GRK3: variants seen among roughly 807,000 people sequenced by gnomAD.
The protein encoded by GRK3 is G protein-coupled receptor kinase 3.
A neutral mutation model predicts 95.7 loss-of-function variants in GRK3; 54 were observed. The observed-to-expected ratio is 0.56, with a 90% CI of 0.45 to 0.71. The LOEUF is 0.71. Among genes scored for constraint, GRK3 ranks in the 30% least tolerant of loss-of-function variants. The pLI, the probability that GRK3 is intolerant of heterozygous loss-of-function variation, is 0.00. For missense variants in GRK3, 649 were observed against 851.2 expected, an observed-to-expected ratio of 0.76 and a Z score of 2.96; for synonymous variants, 281 against 290.8, an observed-to-expected ratio of 0.97 and a Z score of 0.34.
intron 2 of GRK3, among the ~76,000 whole-genome samples, chr22:25,642,434 A>AAAAT (rs1291770699): frequency 2.0e-5 from 3 of 152,308 alleles, no homozygotes; most frequent in South Asian, 2.1e-4. Context: ...CTCCATCTCA[A>AAAAT]AAATAAATAA....
chr22:25,636,803 C>T (rs112075052), intron 2 of GRK3, among the ~76,000 whole-genome samples: 7,509 of 152,086 alleles, frequency 0.049, 189 homozygotes, highest in Middle Eastern at 0.058. Flanking sequence ...TATAGAATTA[C>T]GCAGCATATA....
At chr22:25,632,359 A>G (rs890790327) in intron 2 of GRK3, among the ~76,000 whole-genome samples, 1 of 152,226 alleles carries the variant, frequency 6.6e-6, no homozygotes, top group Non-Finnish European at 1.5e-5. Context: ...AGTGTGTTCA[A>G]GTCTTTTGCT....
Position 25,565,214 on chromosome 22 carries a change from C to T in GRK3, c.113+61C>T. On this transcript the variant is annotated intron_variant, in intron 1 of 20. Coordinates refer to ENST00000324198, the MANE Select transcript of GRK3 (RefSeq NM_005160.4). ...GCCGCCCCCTGCGGCCGCCAGCTACCCCCTGCTTCCTGGAGGGTCGGGCGC... is the reference window on the plus strand; with the variant it reads ...GCCGCCCCCTGCGGCCGCCAGCTACTCCCTGCTTCCTGGAGGGTCGGGCGC... The T allele has an allele frequency of 5.7e-6, 5 of 880,554 alleles. No homozygotes were observed. In the South Asian group the frequency reaches 7.4e-5, roughly 13 times the overall value. 54.5% of individuals were successfully genotyped at this position (880,554 alleles called of 1,614,324 possible). A position where few individuals can be genotyped will look rare whatever the true frequency, so the allele number is the denominator to read the frequency against.
intron 15 of GRK3, among the ~76,000 whole-genome samples, chr22:25,707,259 A>G (rs760634361): frequency 2.0e-5 from 3 of 152,206 alleles, no homozygotes; most frequent in Non-Finnish European, 2.9e-5. Flanking sequence ...TTGCTTGGAT[A>G]TATGCAAGTA....
rs575447932 is a variant in GRK3, at chr22:25,664,437, GT to G, written c.441+737del. On this transcript the variant is annotated intron_variant, in intron 5 of 20. Coordinates refer to ENST00000324198, the MANE Select transcript of GRK3 (RefSeq NM_005160.4). ...AAGAATGTCATTGAGTAATATAATG[GT>G]TTTAATAAGTGAAAATAATCAACTC... Among the ~76,000 whole-genome samples, 40 of 151,798 alleles carry G rather than the reference GT, an allele frequency of 2.6e-4. No individual in the cohort carries two copies. In the South Asian group the frequency reaches 7.3e-3, roughly 28 times the overall value.
intron 1 of GRK3, chr22:25,580,346 G>A (rs1479268747): frequency 6.6e-6 from 1 of 152,150 alleles, no homozygotes; most frequent in Non-Finnish European, 1.5e-5. Flanking sequence ...AAACCCACCA[G>A]CTATACAAAA....
At chr22:25,627,251 A>T (rs945711184) in intron 2 of GRK3, among the ~76,000 whole-genome samples, 1 of 152,204 alleles carries the variant, frequency 6.6e-6, no homozygotes, top group African/African-American at 2.4e-5. Context: ...ATTCCCCAGC[A>T]GGCTTTTTGG....
chr22:25,708,611 G>A (rs905389142), intron 15 of GRK3, among the ~76,000 whole-genome samples: 6 of 152,062 alleles, frequency 3.9e-5, no homozygotes, highest in African/African-American at 4.8e-5. Context: ...TCAGTGGCAT[G>A]TGCTGGGAGT....
chr22:25,686,691 C>A (rs988978435), intron 10 of GRK3, among the ~76,000 whole-genome samples: 4 of 152,108 alleles, frequency 2.6e-5, no homozygotes, highest in Admixed American at 2.6e-4. Flanking sequence ...CTTTCTCCAG[C>A]GTTTTATTAT....
chr22:25,672,212 G>T, intron 6 of GRK3, 84 bp from the exon 7 acceptor site: 1 of 687,206 alleles, frequency 1.5e-6, no homozygotes. Context: ...AAGTAATGCC[G>T]TTCTAGTCTG....
intron 2 of GRK3, among the ~76,000 whole-genome samples, chr22:25,614,562 C>T (rs1569164630): frequency 6.6e-6 from 1 of 152,196 alleles, no homozygotes; most frequent in Non-Finnish European, 1.5e-5. Context: ...GTGTACTAGA[C>T]ACTTCAGTGA....
At chr22:25,608,387 T>C (rs563758392) in intron 2 of GRK3, among the ~76,000 whole-genome samples, 2,373 of 151,400 alleles carry the variant, frequency 0.016, 29 homozygotes, top group Admixed American at 0.023. Context: ...TGGTGCAGCC[T>C]CATGACCCTT....
intron 2 of GRK3, among the ~76,000 whole-genome samples, chr22:25,617,703 C>G (rs1412363526): frequency 2.0e-5 from 3 of 152,208 alleles, no homozygotes; most frequent in African/African-American, 7.2e-5. Flanking sequence ...AGTACATGCT[C>G]TTTTGTGTCT....
intron 1 of GRK3, 128 bp downstream of exon 1, chr22:25,565,281 G>C (rs1317818036): frequency 1.6e-5 from 7 of 435,166 alleles, no homozygotes; most frequent in South Asian, 3.2e-5. Context: ...AGCGGAGCGG[G>C]CGATGCGGGG....
chr22:25,606,138 T>C (rs1281329672), intron 2 of GRK3, among the ~76,000 whole-genome samples: 5 of 152,222 alleles, frequency 3.3e-5, no homozygotes, highest in Non-Finnish European at 7.3e-5. Context: ...TGGCTGAGTA[T>C]CTCAGTTGCA....
intron 4 of GRK3, among the ~76,000 whole-genome samples, chr22:25,662,731 T>G (rs2084917543): frequency 6.6e-6 from 1 of 152,212 alleles, no homozygotes; most frequent in Non-Finnish European, 1.5e-5. Flanking sequence ...CCTTGAAGAA[T>G]GCCAGATGTT....
At chr22:25,674,688 G>A (rs911212752) in intron 8 of GRK3, among the ~76,000 whole-genome samples, 160 bp downstream of exon 8, 3 of 152,196 alleles carry the variant, frequency 2.0e-5, no homozygotes, top group Non-Finnish European at 4.4e-5. Context: ...GGTGGCTCAC[G>A]CCTGTAACCC....
chr22:25,678,330 C>G (rs2085048430), intron 8 of GRK3, among the ~76,000 whole-genome samples: 1 of 152,146 alleles, frequency 6.6e-6, no homozygotes, highest in Non-Finnish European at 1.5e-5. Context: ...TGGCGGGCGC[C>G]TGTAGTCCCA....
At chr22:25,704,470 C>T (rs1467950385) in intron 15 of GRK3, among the ~76,000 whole-genome samples, 3 of 152,128 alleles carry the variant, frequency 2.0e-5, no homozygotes, top group African/African-American at 4.8e-5. Flanking sequence ...AGTGCAGTGG[C>T]GTGATCTCAG....
Sources: allele counts gnomAD v4.1 joint callset (sites outside exome capture counted in the v4.1 genomes callset), GRCh38; gene constraint gnomAD v4.1.1; transcripts MANE v1.5; gene names NCBI Gene and HGNC (gene_info 2026-07-23, HGNC 2026-07-21).